SYNJ1: variants seen among roughly 807,000 people sequenced by gnomAD.
SYNJ1 encodes synaptojanin 1.
Under a neutral mutation model 168.2 loss-of-function variants are expected in SYNJ1, and 78 were observed. The ratio of observed to expected loss-of-function variants is 0.46; its 90% CI spans 0.39 to 0.56. SYNJ1 has a LOEUF of 0.56. SYNJ1 is among the 20% of genes least tolerant of loss of function. The pLI is 0.00. For synonymous variants in SYNJ1, 539 were observed against 548.6 expected, an observed-to-expected ratio of 0.98 and a Z score of 0.24; for missense variants, 1,303 against 1,597.6, an observed-to-expected ratio of 0.82 and a Z score of 3.14.
chr21:32,641,981 T>A lies in SYNJ1; in HGVS notation c.3518-15A>T. 1.9e-6 allele frequency: 3 copies of A among 1,613,612 alleles called. No homozygotes were observed. In the South Asian group the frequency reaches 3.3e-5, roughly 18 times the overall value. On this transcript the variant is annotated splice_polypyrimidine_tract_variant and intron_variant, in intron 28 of 32. Transcript: ENST00000674351. ...CTGACTGCGTCCTGGAACAAAGACATCATATCATATATTTAAGTTTAAAAA... is the reference window on the plus strand; with the variant it reads ...CTGACTGCGTCCTGGAACAAAGACAACATATCATATATTTAAGTTTAAAAA...
chr21:32,634,829 A>T lies in SYNJ1; in HGVS notation c.*3+32T>A, dbSNP rs775301826. The T allele has an allele frequency of 1.9e-6, 3 of 1,612,548 alleles. No individual in the cohort carries two copies. The South Asian group carries it at 3.3e-5, about 18-fold the overall frequency. On this transcript the variant is annotated intron_variant, in intron 32 of 32. Transcript: ENST00000674351. ...CATCTAATGTGTTGAGACGGATGAA[A>T]ACACATGTAAGATTGATAAATTGTC...
At chr21:32,717,257 C>T (rs1471414353) in intron 2 of SYNJ1, among the ~76,000 whole-genome samples, 1 of 152,140 alleles carries the variant, frequency 6.6e-6, no homozygotes, top group African/African-American at 2.4e-5. Context: ...CCGTGCCTGG[C>T]CTCTTTCACA....
rs775453088 is a variant in SYNJ1, at chr21:32,695,207, T to A, written c.555A>T (p.Gly185=). The A allele has an allele frequency of 5.6e-6, 9 of 1,614,106 alleles. No individual in the cohort carries two copies. Among genetic ancestry groups the A allele is most frequent in the Non-Finnish European group, 8.5e-7 (1 of 1,180,004 alleles). ...CDDWLLRLMC[G]GVEIRTIYAA... is the part of the protein sequence containing the mutation. ...CATAAATTGTTCTGATTTCTACTCC[T>A]CCACACATAAGACGTAATAACCAGT... Residue 185 remains glycine, a synonymous_variant, in exon 5 of 33, where the codon GGA becomes GGT. Coordinates refer to ENST00000674351, the MANE Select transcript of SYNJ1 (RefSeq NM_203446.3).
At chr21:32,647,721 C>A (rs184110082) in intron 23 of SYNJ1, among the ~76,000 whole-genome samples, 1 of 152,336 alleles carries the variant, frequency 6.6e-6, no homozygotes, top group African/African-American at 2.4e-5. Context: ...TAACCCCATC[C>A]CTGCACTGAT....
chr21:32,701,847 A>C, intron 3 of SYNJ1, 114 bp downstream of exon 3: 1 of 708,424 alleles, frequency 1.4e-6, no homozygotes, highest in Non-Finnish European at 2.2e-6. Context: ...ATGTTAGCAC[A>C]TGTGTAGCTT....
At chr21:32,673,553 A>C in intron 13 of SYNJ1, 22 bp from the exon 14 acceptor site, 1 of 1,563,138 alleles carries the variant, frequency 6.4e-7, no homozygotes. Flanking sequence ...AAGACACAAT[A>C]GAATTTTAGC....
intron 27 of SYNJ1, among the ~76,000 whole-genome samples, chr21:32,642,675 G>T (rs2039896127): frequency 1.3e-5 from 2 of 152,186 alleles, no homozygotes; most frequent in East Asian, 1.9e-4. Context: ...TAAGACAGAA[G>T]ACAGGCATAT....
rs2039326096 is a variant in SYNJ1, at chr21:32,631,517, C to A, written c.*288G>T. 2 of 1,613,876 alleles carry A rather than the reference C, an allele frequency of 1.2e-6. No homozygotes were observed. The highest frequency in any genetic ancestry group is 2.2e-5 in the South Asian group (2 of 91,016). ...TGTCACTGAAAGGATTTGTCCTGGT[C>A]AAGCCAGTAATAAATGGGTTTGGAG... On this transcript the variant is annotated 3_prime_UTR_variant, in exon 33 of 33. Transcript: ENST00000674351.
chr21:32,670,581 C>CGGTTATCCT (rs1440431776), intron 14 of SYNJ1, among the ~76,000 whole-genome samples: 3 of 152,236 alleles, frequency 2.0e-5, no homozygotes, highest in African/African-American at 7.2e-5. Flanking sequence ...TTCTTTAAGA[C>CGGTTATCCT]GGTTATCCTT....
intron 18 of SYNJ1, among the ~76,000 whole-genome samples, chr21:32,663,459 C>G (rs1210067485): frequency 1.3e-5 from 2 of 152,172 alleles, no homozygotes; most frequent in Admixed American, 6.5e-5. Context: ...GGACAGCCCC[C>G]ACTGGATTAT....
chr21:32,631,669 G>C lies in SYNJ1; in HGVS notation c.*136C>G. 2 of 1,614,198 alleles carry C rather than the reference G, an allele frequency of 1.2e-6. No homozygotes were observed. The highest frequency in any genetic ancestry group is 1.7e-6 in the Non-Finnish European group (2 of 1,180,042). ...AACTGAATCAACCTCTTTGGGTCTG[G>C]GGTGGGAACAGGTGACGTTTGAACA... On this transcript the variant is annotated 3_prime_UTR_variant, in exon 33 of 33. Transcript: ENST00000674351.
At chr21:32,707,283 C>CTTTT (rs367843525) in intron 2 of SYNJ1, among the ~76,000 whole-genome samples, 11 of 130,588 alleles carry the variant, frequency 8.4e-5, no homozygotes, top group African/African-American at 2.3e-4. Flanking sequence ...TTTCTTTTTC[C>CTTTT]TTTTTTTTTT....
chr21:32,674,577 T>C (rs1165833454), intron 13 of SYNJ1, among the ~76,000 whole-genome samples: 1 of 152,048 alleles, frequency 6.6e-6, no homozygotes, highest in Admixed American at 6.6e-5. Flanking sequence ...TAAATAATTG[T>C]TAAATGAATG....
At chr21:32,645,592 A>G in intron 25 of SYNJ1, 54 bp downstream of exon 25, 2 of 1,467,932 alleles carry the variant, frequency 1.4e-6, no homozygotes, top group Non-Finnish European at 1.8e-6. Context: ...AAAACATTTT[A>G]AAATAGAGTG....
At chr21:32,637,350 T>C (rs1047708808) in intron 31 of SYNJ1, among the ~76,000 whole-genome samples, 22 of 151,950 alleles carry the variant, frequency 1.4e-4, no homozygotes, top group African/African-American at 4.8e-4. Flanking sequence ...AAAATCATTA[T>C]TTGAAAGAGT....
At chr21:32,633,631 T>C (rs2039439796) in intron 32 of SYNJ1, among the ~76,000 whole-genome samples, 1 of 152,156 alleles carries the variant, frequency 6.6e-6, no homozygotes, top group African/African-American at 2.4e-5. Flanking sequence ...TATACTTTCA[T>C]GAAATATATT....
intron 2 of SYNJ1, among the ~76,000 whole-genome samples, chr21:32,705,192 G>C (rs2042564570): frequency 6.6e-6 from 1 of 150,890 alleles, no homozygotes; most frequent in Admixed American, 6.6e-5. Context: ...TTTCTAGATA[G>C]ACTAAAGACA....
intron 18 of SYNJ1, among the ~76,000 whole-genome samples, chr21:32,660,819 G>A (rs991677065): frequency 1.3e-5 from 2 of 152,194 alleles, no homozygotes; most frequent in African/African-American, 4.8e-5. Flanking sequence ...CTAGGGGAAA[G>A]GACATAAAAT....
Position 32,656,820 on chromosome 21 carries a change from C to G in SYNJ1, c.2662G>C (p.Val888Leu). 6.2e-7 allele frequency: 1 copy of G among 1,614,188 alleles called. No individual in the cohort carries two copies. Among genetic ancestry groups the G allele is most frequent in the South Asian group, 1.1e-5 (1 of 91,086 alleles). ...RQNIYKEVIA[V>L]QGPPDGTVLV... ...ACTGTACCATCTGGTGGACCCTGAACTGCAATTACTTCTTTATAAATGTTT... is the reference window on the plus strand; with the variant it reads ...ACTGTACCATCTGGTGGACCCTGAAGTGCAATTACTTCTTTATAAATGTTT... Residue 888 changes from valine to leucine, a missense_variant, in exon 21 of 33, where the codon GTT becomes CTT. Physicochemically the swap from Val to Leu is conservative, Grantham distance 32. This residue lies in a region of SYNJ1 where 920 missense variants were observed against 1,208.8 expected (regional missense o/e 0.76). Coordinates refer to ENST00000674351, the MANE Select transcript of SYNJ1 (RefSeq NM_203446.3).
Sources: gnomAD v4.1 joint callset for allele counts (sites outside exome capture counted in the v4.1 genomes callset) on GRCh38, gnomAD v4.1.1 for gene constraint, gnomAD v4.1.1 regional missense constraint, MANE v1.5 for transcripts, NCBI Gene and HGNC (gene_info 2026-07-23, HGNC 2026-07-21) for gene names.